The following PRXL2C variants were observed in gnomAD, a reference collection of about 807,000 sequenced individuals.
The protein encoded by PRXL2C is peroxiredoxin-like 2C.
PRXL2C carries 38 observed loss-of-function variants against 24.9 expected under a neutral mutation model. The observed-to-expected ratio is 1.53, with a 90% confidence interval of 1.18 to 2.00. PRXL2C has a LOEUF of 2.00. Among genes scored for constraint, PRXL2C ranks in the 30% most tolerant of loss-of-function variants. The pLI is 0.00. For missense variants in PRXL2C, 294 were observed against 290.9 expected (o/e 1.01, Z -0.08); for synonymous variants, 98 against 117.2 (o/e 0.84, Z 1.06).
At chr9:96,647,026 G>A (rs1848208678) in intron 4 of PRXL2C, among the ~76,000 whole-genome samples, 1 of 152,140 alleles carries the variant, frequency 6.6e-6, no homozygotes, top group Admixed American at 6.5e-5. Flanking sequence ...CTGACCTCAG[G>A]TGATCTGCCC....
intron 4 of PRXL2C, 104 bp from the exon 5 acceptor site, chr9:96,646,128 G>GAAACCATTC: frequency 8.0e-7 from 1 of 1,255,848 alleles, no homozygotes; most frequent in Non-Finnish European, 1.1e-6. Flanking sequence ...TTAAAGAATG[G>GAAACCATTC]TTTCTCAATC....
At chr9:96,651,636 C>G (rs1391968298) in intron 3 of PRXL2C, 23 bp downstream of exon 3, 2 of 1,591,964 alleles carry the variant, frequency 1.3e-6, no homozygotes, top group African/African-American at 2.7e-5. Flanking sequence ...ATTCATTAGT[C>G]TCCCAATGTA....
At chr9:96,653,041 C>A (rs1848292759) in intron 2 of PRXL2C, among the ~76,000 whole-genome samples, 1 of 152,134 alleles carries the variant, frequency 6.6e-6, no homozygotes, top group Non-Finnish European at 1.5e-5. Flanking sequence ...TACTGGCTAA[C>A]ACGGTGAAAC....
intron 4 of PRXL2C, 60 bp from the exon 5 acceptor site, chr9:96,646,084 T>C: frequency 6.8e-7 from 1 of 1,476,258 alleles, no homozygotes; most frequent in Non-Finnish European, 9.2e-7. Flanking sequence ...ATTAAGAAGA[T>C]AATGTATTTC....
intron 1 of PRXL2C, 37 bp from the exon 2 acceptor site, chr9:96,654,810 A>G: frequency 6.5e-7 from 1 of 1,536,316 alleles, no homozygotes; most frequent in East Asian, 2.4e-5. Context: ...AAGTTAGTAA[A>G]GCAGCACCCT....
chr9:96,645,193 A>G (rs142867065), intron 5 of PRXL2C, among the ~76,000 whole-genome samples: 4,656 of 151,110 alleles, frequency 0.031, 171 homozygotes, highest in Admixed American at 0.11. Context: ...ACAGGCGTAA[A>G]CCACCGCGCC....
intron 4 of PRXL2C, among the ~76,000 whole-genome samples, chr9:96,647,223 GT>G (rs1299055438): frequency 8.5e-5 from 13 of 152,170 alleles, no homozygotes; most frequent in African/African-American, 2.4e-4. Flanking sequence ...TTCTATTTCT[GT>G]TATCACAGTG....
At chr9:96,650,805 C>T (rs1339852682) in intron 4 of PRXL2C, among the ~76,000 whole-genome samples, 2 of 150,982 alleles carry the variant, frequency 1.3e-5, no homozygotes, top group Non-Finnish European at 2.9e-5. Flanking sequence ...CCTATTTCAT[C>T]ATGTGCGCAC....
At chr9:96,645,682 A>C (rs1036282276) in intron 5 of PRXL2C, among the ~76,000 whole-genome samples, 1 of 151,866 alleles carries the variant, frequency 6.6e-6, no homozygotes, top group African/African-American at 2.4e-5. Context: ...CTGTAGTCCC[A>C]GCTACTCGGG....
In PRXL2C at chr9:96,651,505, G is replaced by A; in HGVS notation, c.316-10C>T. On this transcript the variant is annotated splice_polypyrimidine_tract_variant and intron_variant, in intron 3 of 5. Coordinates refer to ENST00000375234, the MANE Select transcript of PRXL2C (RefSeq NM_153698.2). ...TCAGCTTGCAAAAAGGCTGAAAAGAGAGAATGGTTGGAATTTTTACAAGAA... is the reference window on the plus strand; with the variant it reads ...TCAGCTTGCAAAAAGGCTGAAAAGAAAGAATGGTTGGAATTTTTACAAGAA... 1 of 1,602,978 alleles carries A rather than the reference G, an allele frequency of 6.2e-7. No homozygotes were observed. The highest frequency in any genetic ancestry group is 2.2e-5 in the East Asian group (1 of 44,766).
intron 1 of PRXL2C, 90 bp downstream of exon 1, chr9:96,655,000 G>T: frequency 7.3e-7 from 1 of 1,370,384 alleles, no homozygotes; most frequent in Non-Finnish European, 9.5e-7. Flanking sequence ...TCCCGTTTCC[G>T]TCCTAAGAAG....
In PRXL2C at chr9:96,651,672, T is replaced by G. The variant is rs144710877; in HGVS notation, c.302A>C (p.Tyr101Ser). The G allele has an allele frequency of 3.7e-4, 594 of 1,610,702 alleles. 8 individuals carry two copies. In the East Asian group the frequency reaches 0.01, roughly 28 times the overall value. Residue 101 changes from tyrosine to serine, a missense_variant, in exon 3 of 6, where the codon TAC becomes TCC. Transcript: ENST00000375234. ...VTLIVIGQSSYHHIEPFCKLT... is the reference protein window; with the variant it reads ...VTLIVIGQSSSHHIEPFCKLT... ...CTAGATATTTACCTCAATATGATGG[T>G]AGGATGACTGTCCAATCACTATAAG...
chr9:96,646,853 C>T (rs1848206755), intron 4 of PRXL2C, among the ~76,000 whole-genome samples: 1 of 152,232 alleles, frequency 6.6e-6, no homozygotes, highest in South Asian at 2.1e-4. Flanking sequence ...TGCAATGGCG[C>T]AATCTTGGCT....
chr9:96,654,316 C>T (rs1005034656), intron 2 of PRXL2C, among the ~76,000 whole-genome samples: 5 of 152,234 alleles, frequency 3.3e-5, no homozygotes, highest in Non-Finnish European at 5.9e-5. Flanking sequence ...ATGGAACTTG[C>T]AGCCTATTAA....
At chr9:96,645,722 G>A (rs1484458312) in intron 5 of PRXL2C, among the ~76,000 whole-genome samples, 171 bp downstream of exon 5, 9 of 151,628 alleles carry the variant, frequency 5.9e-5, no homozygotes, top group South Asian at 2.1e-4. Context: ...GCGTGAACCC[G>A]GGAGGCAGAG....
At chr9:96,646,115 C>T (rs890445761) in intron 4 of PRXL2C, 91 bp from the exon 5 acceptor site, 2 of 1,336,180 alleles carry the variant, frequency 1.5e-6, no homozygotes, top group African/African-American at 3.0e-5. Context: ...TCTCTTTCTT[C>T]CTTTAAAGAA....
intron 5 of PRXL2C, 61 bp downstream of exon 5, chr9:96,645,832 G>A (rs1408918428): frequency 3.4e-6 from 5 of 1,471,698 alleles, no homozygotes; most frequent in South Asian, 2.7e-5. Flanking sequence ...AGAAAATGGC[G>A]GCCTCTGAAC....
chr9:96,646,521 C>A (rs1848202884), intron 4 of PRXL2C, among the ~76,000 whole-genome samples: 1 of 152,204 alleles, frequency 6.6e-6, no homozygotes, highest in African/African-American at 2.4e-5. Context: ...ACGTGTTGGT[C>A]AAAACCTGTT....
Position 96,641,356 on chromosome 9 carries a change from T to C in PRXL2C, c.*403A>G, listed in dbSNP as rs1028249302. 5 of 153,608 alleles carry C rather than the reference T, an allele frequency of 3.3e-5. No individual in the cohort carries two copies. Among genetic ancestry groups the C allele is most frequent in the African/African-American group, 9.6e-5 (4 of 41,516 alleles). 9.5% of individuals were successfully genotyped at this position (153,608 alleles called of 1,614,324 possible). A position where few individuals can be genotyped will look rare whatever the true frequency, so the allele number is the denominator to read the frequency against. On this transcript the variant is annotated 3_prime_UTR_variant, in exon 6 of 6. Transcript: ENST00000375234. ...GCAGTTACATTGTTGACAGATTTGA[T>C]ATTTTGCCTTCTTCACTGAATATAA... is the stretch of plus-strand genomic sequence containing the variant.
Sources: gnomAD v4.1 joint callset for allele counts (sites outside exome capture counted in the v4.1 genomes callset) on GRCh38, gnomAD v4.1.1 for gene constraint, MANE v1.5 for transcripts, NCBI Gene and HGNC (gene_info 2026-07-23, HGNC 2026-07-21) for gene names.